FLYWCH1: variants seen among roughly 807,000 people sequenced by gnomAD.
FLYWCH1 encodes the protein FLYWCH-type zinc finger-containing protein 1.
Under a neutral mutation model 66.4 loss-of-function variants are expected in FLYWCH1, and 75 were observed. That is an observed-to-expected ratio of 1.13 (90% CI 0.94 to 1.37). FLYWCH1 has a LOEUF of 1.37. FLYWCH1 is among the 40% of genes most tolerant of loss of function. The probability of loss-of-function intolerance (pLI) is 0.00; values close to 1 mark genes in which losing one functional copy is unlikely to be tolerated. For synonymous variants in FLYWCH1, 595 were observed against 429.9 expected (o/e 1.38, Z -4.75); for missense variants, 1,334 against 1,001.8 (o/e 1.33, Z -4.48).
chr16:2,933,903 C>T lies in FLYWCH1; in HGVS notation c.1437C>T (p.His479=), dbSNP rs1223779640. The change falls in exon 6 of 10, where the codon CAC becomes CAT. Residue 479 remains histidine, a synonymous_variant. Coordinates refer to ENST00000253928, the MANE Select transcript of FLYWCH1 (RefSeq NM_001308068.2). ...RRVTVMRGHC[H]PPDLGGLEAL... ...TGACTGTCATGCGTGGTCACTGCCA[C>T]CCGCCCGACCTGGGAGGCCTGGAGG... 5.7e-6 allele frequency: 9 copies of T among 1,580,546 alleles called. No homozygotes were observed. The highest frequency in any genetic ancestry group is 2.3e-5 in the East Asian group (1 of 42,972).
At chr16:2,943,529 A>G (rs1482330471) in intron 9 of FLYWCH1, 4 of 151,662 alleles carry the variant, frequency 2.6e-5, no homozygotes, top group African/African-American at 9.7e-5. Context: ...CCGTGTGATC[A>G]CTGAATAGAC....
chr16:2,934,962 C>T (rs1040239258), intron 6 of FLYWCH1: 2 of 166,050 alleles, frequency 1.2e-5, no homozygotes, highest in Non-Finnish European at 2.5e-5. Flanking sequence ...CTTGCTTTAT[C>T]ACCCAGGCTG....
intron 4 of FLYWCH1, among the ~76,000 whole-genome samples, chr16:2,932,099 A>G (rs1301184504): frequency 7.0e-6 from 1 of 143,218 alleles, no homozygotes; most frequent in Non-Finnish European, 1.5e-5. Context: ...GCCTGGGCAA[A>G]AGAGCAAGAC....
chr16:2,931,712 G>A (rs1177345924), intron 4 of FLYWCH1, among the ~76,000 whole-genome samples: 1 of 151,632 alleles, frequency 6.6e-6, no homozygotes, highest in Non-Finnish European at 1.5e-5. Context: ...ATTCATGCCT[G>A]TAATCTCAGC....
At chr16:2,936,738 C>T (rs2150980493) in intron 6 of FLYWCH1, 1 of 481,434 alleles carries the variant, frequency 2.1e-6, no homozygotes, top group African/African-American at 1.9e-5. Context: ...CCATCCGGCT[C>T]CTGAGCAGCT....
At chr16:2,941,428 G>A (rs1052547188) in intron 9 of FLYWCH1, among the ~76,000 whole-genome samples, 1 of 152,178 alleles carries the variant, frequency 6.6e-6, no homozygotes, top group East Asian at 1.9e-4. Flanking sequence ...AGAAGCCTGG[G>A]CAACATGGTG....
rs527317881 is a variant in FLYWCH1 at position 2,924,975 on chromosome 16, T to A, written c.-73-4638T>A. The stretch of plus-strand genomic sequence containing the variant: ...ACTCGGGTACAGCTCCATGGGAATG[T>A]GGGGCTTTCCTTGTCAGGCCAAGCT... On this transcript the variant is annotated intron_variant, in intron 2 of 9. Transcript: ENST00000253928. Among the ~76,000 whole-genome samples, 10 of 152,344 alleles carry A rather than the reference T, an allele frequency of 6.6e-5. No homozygotes were observed. The East Asian group carries it at 1.9e-3, about 29-fold the overall frequency.
chr16:2,930,304 G>T (rs1466559594), intron 3 of FLYWCH1, 106 bp from the exon 4 acceptor site: 6 of 710,508 alleles, frequency 8.4e-6, no homozygotes, highest in African/African-American at 1.8e-5. Flanking sequence ...AGCAGGAGGA[G>T]AAGGCACCTG....
chr16:2,924,364 C>T (rs1051661712), intron 2 of FLYWCH1, among the ~76,000 whole-genome samples: 2 of 152,052 alleles, frequency 1.3e-5, no homozygotes, highest in African/African-American at 2.4e-5. Context: ...CCAGAACCCA[C>T]TAGAGTCACT....
At chr16:2,934,867 T>C (rs2074359) in intron 6 of FLYWCH1, 63,774 of 268,582 alleles carry the variant, frequency 0.24, 10,944 homozygotes, top group African/African-American at 0.51. Context: ...CCACTACTAT[T>C]AATTGGTTTT....
rs146422571 is a variant in FLYWCH1, at chr16:2,948,880, A to G, written c.*153A>G. 2 of 651,378 alleles carry G rather than the reference A, an allele frequency of 3.1e-6. No homozygotes were observed. Among genetic ancestry groups the G allele is most frequent in the South Asian group, 1.8e-5 (1 of 55,202 alleles). 40.3% of individuals were successfully genotyped at this position (651,378 alleles called of 1,614,324 possible). ...TTCGCGTCTCCTCAGGAGGTCTCCC[A>G]GGAGGAATTCTTGGATGGTGTCCTC... On this transcript the variant is annotated 3_prime_UTR_variant, in exon 10 of 10. Coordinates refer to ENST00000253928, the MANE Select transcript of FLYWCH1 (RefSeq NM_001308068.2).
At chr16:2,925,774 C>T (rs2070545826) in intron 2 of FLYWCH1, among the ~76,000 whole-genome samples, 1 of 152,122 alleles carries the variant, frequency 6.6e-6, no homozygotes, top group Non-Finnish European at 1.5e-5. Context: ...ACTGGCCCTC[C>T]TGGTACCTGT....
chr16:2,918,653 C>G (rs2070260000), intron 2 of FLYWCH1, among the ~76,000 whole-genome samples: 1 of 150,996 alleles, frequency 6.6e-6, no homozygotes, highest in Non-Finnish European at 1.5e-5. Context: ...TTTAGTCAGG[C>G]TGGTCTCAAA....
intron 2 of FLYWCH1, among the ~76,000 whole-genome samples, chr16:2,917,895 C>T (rs2070228453): frequency 7.0e-6 from 1 of 142,006 alleles, no homozygotes; most frequent in Non-Finnish European, 1.5e-5. Flanking sequence ...AGTACAGTGG[C>T]ACGATCTTGG....
Position 2,949,188 on chromosome 16 carries a change from G to A in FLYWCH1, c.*461G>A, listed in dbSNP as rs569476498. On this transcript the variant is annotated 3_prime_UTR_variant, in exon 10 of 10. Transcript: ENST00000253928. The stretch of plus-strand genomic sequence containing the variant: ...TTCCTGCTTCAAACTGAGCTGCCCC[G>A]CATAGGCCAGGTCAACCCACACCAA... 7.1e-5 allele frequency: 13 copies of A among 182,470 alleles called. No individual in the cohort carries two copies. Among genetic ancestry groups the A allele is most frequent in the South Asian group, 1.2e-4 (1 of 8,692 alleles). 11.3% of individuals were successfully genotyped at this position (182,470 alleles called of 1,614,324 possible). A position where few individuals can be genotyped will look rare whatever the true frequency, so the allele number is the denominator to read the frequency against.
At chr16:2,927,791 G>C (rs548802446) in intron 2 of FLYWCH1, among the ~76,000 whole-genome samples, 1 of 152,252 alleles carries the variant, frequency 6.6e-6, no homozygotes, top group Admixed American at 6.5e-5. Context: ...AGGTGGAGAT[G>C]AGACTGATAA....
intron 2 of FLYWCH1, among the ~76,000 whole-genome samples, chr16:2,926,579 G>A (rs1357066609): frequency 6.6e-6 from 1 of 152,160 alleles, no homozygotes; most frequent in Non-Finnish European, 1.5e-5. Context: ...ATGGACCCAG[G>A]AACCACCTGC....
At chr16:2,938,610 T>TG (rs1323735519) in intron 8 of FLYWCH1, among the ~76,000 whole-genome samples, 154 bp downstream of exon 8, 2 of 147,908 alleles carry the variant, frequency 1.4e-5, no homozygotes, top group Non-Finnish European at 3.0e-5. Context: ...AGTCTTTGTT[T>TG]TTTTTTTTTT....
At chr16:2,935,649 C>G (rs1404069497) in intron 6 of FLYWCH1, 1 of 152,254 alleles carries the variant, frequency 6.6e-6, no homozygotes, top group African/African-American at 2.4e-5. Context: ...GCCTGGCCTC[C>G]GTGGTGTCAC....
Sources: allele counts gnomAD v4.1 joint callset (sites outside exome capture counted in the v4.1 genomes callset), GRCh38; gene constraint gnomAD v4.1.1; transcripts MANE v1.5; gene names NCBI Gene and HGNC (gene_info 2026-07-23, HGNC 2026-07-21).